FNDC1: variants seen among roughly 807,000 people sequenced by gnomAD.
FNDC1 encodes fibronectin type III domain-containing protein 1.
Under a neutral mutation model 168.0 loss-of-function variants are expected in FNDC1, and 96 were observed. The observed-to-expected ratio is 0.57, with a 90% CI of 0.48 to 0.68. The LOEUF (loss-of-function observed/expected upper bound fraction) is 0.68. FNDC1 is among the 30% of genes least tolerant of loss of function. The pLI, the probability that FNDC1 is intolerant of heterozygous loss-of-function variation, is 0.00. For synonymous variants in FNDC1, 1,099 were observed against 1,025.9 expected (o/e 1.07, Z -1.36); for missense variants, 2,587 against 2,482.1 (o/e 1.04, Z -0.90).
rs1290617785 is a variant in FNDC1, at chr6:159,233,936, G to A, written c.3424G>A (p.Gly1142Ser). The stretch of plus-strand genomic sequence containing the variant: ...CTCCCCCGCCAGGCCCAGCCGACCC[G>A]GCGGCCCCCAGTCCCGCGCCCGGGT... The part of the protein sequence containing the change: ...AASPARPSRP[G>S]GPQSRARVPS... Residue 1142 changes from glycine to serine, a missense_variant, in exon 11 of 23, where the codon GGC becomes AGC. Gly to Ser is a moderately conservative substitution (Grantham distance 56). Coordinates refer to ENST00000297267, the MANE Select transcript of FNDC1 (RefSeq NM_032532.3). The surrounding 1 kb of genome is among the most constrained non-coding windows in gnomAD (Gnocchi z 4.6). 1.3e-6 allele frequency: 2 copies of A among 1,557,968 alleles called. No homozygotes were observed. The highest frequency in any genetic ancestry group is 2.4e-5 in the East Asian group (1 of 42,026).
chr6:159,239,731 C>T lies in FNDC1; in HGVS notation c.4395C>T (p.Thr1465=). 1.3e-6 allele frequency: 2 copies of T among 1,548,230 alleles called. No individual in the cohort carries two copies. The highest frequency in any genetic ancestry group is 1.7e-6 in the Non-Finnish European group (2 of 1,144,886). ...CGACGCCCCTGCCTACCACTACAAC[C>T]CCGAGGCCCACCACTGCCACCACCC... ...TTTTPLPTTT[T]PRPTTATTRR... Residue 1465 remains threonine, a synonymous_variant, in exon 14 of 23, where the codon ACC becomes ACT. Transcript: ENST00000297267.
intron 1 of FNDC1, among the ~76,000 whole-genome samples, chr6:159,184,089 C>G (rs1453159513): frequency 1.3e-5 from 2 of 152,244 alleles, no homozygotes; most frequent in Non-Finnish European, 2.9e-5. Flanking sequence ...AATCACTTAA[C>G]TCTCTGTGAC....
intron 1 of FNDC1, among the ~76,000 whole-genome samples, chr6:159,184,010 A>G (rs777031054): frequency 2.0e-5 from 3 of 152,258 alleles, no homozygotes; most frequent in Non-Finnish European, 4.4e-5. Flanking sequence ...TATAGTAGAA[A>G]GAGCATGGTC....
At chr6:159,265,147 C>G in intron 20 of FNDC1, 143 bp downstream of exon 20, 2 of 658,626 alleles carry the variant, frequency 3.0e-6, no homozygotes, top group Admixed American at 3.1e-5. Context: ...TTGCACTCGT[C>G]ATCCTGATCT....
intron 9 of FNDC1, 68 bp from the exon 10 acceptor site, chr6:159,229,747 C>T (rs927236800): frequency 9.2e-6 from 13 of 1,416,664 alleles, no homozygotes; most frequent in African/African-American, 1.4e-5. Context: ...CCTGCCCATA[C>T]AGTCTGTCTG....
Position 159,169,710 on chromosome 6 carries a change from G to A in FNDC1, c.109+5G>A, listed in dbSNP as rs1233534396. ...CCTCCTCGGCGGCGGCCTCAGGTAC[G>A]CGCCGCGCCCGGGCCCCCGGCGCTC... On this transcript the variant is annotated splice_donor_5th_base_variant and intron_variant, in intron 1 of 22. Coordinates refer to ENST00000297267, the MANE Select transcript of FNDC1 (RefSeq NM_032532.3). The surrounding 1 kb of genome is among the most constrained non-coding windows in gnomAD (Gnocchi z 6.8). 1 of 1,128,078 alleles carries A rather than the reference G, an allele frequency of 8.9e-7. No individual in the cohort carries two copies. The allele number at this position is 1,128,078 out of a possible 1,614,324, so 69.9% of individuals were successfully genotyped here.
At position 159,232,540 on chromosome 6, in the gene FNDC1, C is replaced by T. The variant is rs1239973848; in HGVS notation, c.2028C>T (p.Ser676=). ...CAGCCCTGTCCCCCAGCCGCCAGTC[C>T]CCGTCCAGCGTTCTCCGCGACAGAA... ...PRPALSPSRQ[S]PSSVLRDRSS... Residue 676 remains serine (S), a synonymous_variant, in exon 11 of 23, where the codon TCC becomes TCT. Transcript: ENST00000297267. The surrounding 1 kb of genome is among the most constrained non-coding windows in gnomAD (Gnocchi z 4.9). The T allele has an allele frequency of 1.2e-6, 2 of 1,612,376 alleles. No individual in the cohort carries two copies. The highest frequency in any genetic ancestry group is 1.3e-5 in the African/African-American group (1 of 74,916).
chr6:159,232,207 C>G lies in FNDC1; in HGVS notation c.1695C>G (p.Thr565=), dbSNP rs955188110. The part of the protein sequence containing the change: ...SPSDTQDQKR[T]LRPPSRHGHS... ...CAGACACCCAAGACCAGAAACGGACCCTGAGGCCGCCAAGTAGACACGGCC... is the reference window on the plus strand; with the variant it reads ...CAGACACCCAAGACCAGAAACGGACGCTGAGGCCGCCAAGTAGACACGGCC... Residue 565 remains threonine, a synonymous_variant, in exon 11 of 23, where the codon ACC becomes ACG. Transcript: ENST00000297267. The surrounding 1 kb of genome is among the most constrained non-coding windows in gnomAD (Gnocchi z 4.9). 9 of 1,613,266 alleles carry G rather than the reference C, an allele frequency of 5.6e-6. No homozygotes were observed. Among genetic ancestry groups the G allele is most frequent in the Non-Finnish European group, 7.6e-6 (9 of 1,179,692 alleles).
chr6:159,223,618 A>G lies in FNDC1; in HGVS notation c.857A>G (p.Glu286Gly). 1 of 1,612,584 alleles carries G rather than the reference A, an allele frequency of 6.2e-7. No homozygotes were observed. Among genetic ancestry groups the G allele is most frequent in the South Asian group, 1.1e-5 (1 of 90,882 alleles). Residue 286 changes from glutamate to glycine, a missense_variant, in exon 7 of 23, where the codon GAA (glutamate) becomes GGA (glycine). By Grantham distance (98) the Glu-to-Gly change is moderately conservative. Coordinates refer to ENST00000297267, the MANE Select transcript of FNDC1 (RefSeq NM_032532.3). ...VLVSWVDPVL[E>G]KQKKVVASRQ... is the part of the protein sequence containing the mutation. ...GTGTCCTGGGTGGATCCTGTTCTGG[A>G]AAAACAGAAGAAAGTTGTTGCATCA...
At chr6:159,267,741 A>T (rs1562314843) in intron 21 of FNDC1, 63 bp from the exon 22 acceptor site, 1 of 1,591,178 alleles carries the variant, frequency 6.3e-7, no homozygotes, top group Non-Finnish European at 8.6e-7. Context: ...TGTGCAAAAA[A>T]ACTCCTAAAC....
chr6:159,265,655 C>T (rs1292316559), intron 20 of FNDC1, among the ~76,000 whole-genome samples: 2 of 152,272 alleles, frequency 1.3e-5, no homozygotes, highest in Admixed American at 6.5e-5. Context: ...CAAGGCCGGG[C>T]GCGGTGGCTC....
chr6:159,233,453 C>T lies in FNDC1; in HGVS notation c.2941C>T (p.Pro981Ser). ...STDRHASPAR[P>S]PAARSQQHPS... Reference sequence around the variant, plus strand: ...AGACCGCCACGCGTCCCCTGCTCGTCCGCCCGCAGCACGGTCACAGCAGCA... The same window carrying T: ...AGACCGCCACGCGTCCCCTGCTCGTTCGCCCGCAGCACGGTCACAGCAGCA... Residue 981 changes from proline to serine, a missense_variant, in exon 11 of 23, where the codon CCG (proline) becomes TCG (serine). Coordinates refer to ENST00000297267, the MANE Select transcript of FNDC1 (RefSeq NM_032532.3). The surrounding 1 kb of genome is among the most constrained non-coding windows in gnomAD (Gnocchi z 4.6). 6.2e-7 allele frequency: 1 copy of T among 1,608,968 alleles called. No homozygotes were observed.
intron 13 of FNDC1, among the ~76,000 whole-genome samples, chr6:159,238,939 G>A (rs76252099): frequency 0.066 from 10,117 of 152,224 alleles, 373 homozygotes; most frequent in Middle Eastern, 0.085. Flanking sequence ...ACTACAACCT[G>A]TAGGTTGTAG....
chr6:159,269,511 C>T (rs200384267), intron 22 of FNDC1, among the ~76,000 whole-genome samples: 2,955 of 106,850 alleles, frequency 0.028, 91 homozygotes, highest in Non-Finnish European at 0.039. Context: ...TCCATCCATC[C>T]ATGCATCCAT....
chr6:159,263,227 T>C (rs1401411902), intron 19 of FNDC1, among the ~76,000 whole-genome samples: 2 of 152,110 alleles, frequency 1.3e-5, no homozygotes, highest in Non-Finnish European at 2.9e-5. Context: ...CCATGGTGTT[T>C]CCCTCTATTT....
In FNDC1 at chr6:159,232,934, C is replaced by G; in HGVS notation, c.2422C>G (p.Leu808Val). The G allele has an allele frequency of 6.2e-7, 1 of 1,610,410 alleles. No homozygotes were observed. Among genetic ancestry groups the G allele is most frequent in the Non-Finnish European group, 8.5e-7 (1 of 1,179,370 alleles). Residue 808 changes from leucine (L) to valine (V), a missense_variant, in exon 11 of 23, where the codon CTG (leucine) becomes GTG (valine). Leu to Val is a conservative substitution (Grantham distance 32, BLOSUM62 1). Transcript: ENST00000297267. This position sits in a 1 kb window ranked among gnomAD's most constrained non-coding sequence, Gnocchi z 4.9. ...GCAGGCGGAGGCCACGGCCCAGACG[C>G]TGCGGGCCCGGCCTGCCTCTGGACA... ...GRQAEATAQTLRARPASGHFH... is the reference protein window; with the variant it reads ...GRQAEATAQTVRARPASGHFH...
At chr6:159,180,283 G>T (rs1781853277) in intron 1 of FNDC1, among the ~76,000 whole-genome samples, 2 of 152,112 alleles carry the variant, frequency 1.3e-5, no homozygotes, top group African/African-American at 2.4e-5. Context: ...CTCTTGTAAA[G>T]ACACCGGTCA....
chr6:159,266,117 A>G lies in FNDC1; in HGVS notation c.5318A>G (p.Lys1773Arg), dbSNP rs756878266. Reference protein sequence around the residue: ...GEPIWIPFAFKHDPSYTDCHG... With the variant: ...GEPIWIPFAFRHDPSYTDCHG... ...CCTATCTGGATCCCATTCGCTTTCA[A>G]ACATGATCCCAGCTACACGGACTGC... Residue 1773 changes from lysine to arginine, a missense_variant, in exon 21 of 23, where the codon AAA becomes AGA. Coordinates refer to ENST00000297267, the MANE Select transcript of FNDC1 (RefSeq NM_032532.3). The G allele has an allele frequency of 6.2e-7, 1 of 1,613,918 alleles. No individual in the cohort carries two copies. Among genetic ancestry groups the G allele is most frequent in the South Asian group, 1.1e-5 (1 of 91,080 alleles).
chr6:159,261,411 C>A, intron 19 of FNDC1, 142 bp downstream of exon 19: 1 of 602,312 alleles, frequency 1.7e-6, no homozygotes, highest in Non-Finnish European at 2.8e-6. Flanking sequence ...AAGTAAACAT[C>A]ATTTGCTTTG....
Sources: allele counts gnomAD v4.1 joint callset (sites outside exome capture counted in the v4.1 genomes callset), GRCh38; gene constraint gnomAD v4.1.1; non-coding constraint Gnocchi (gnomAD v3.1); transcripts MANE v1.5; gene names NCBI Gene and HGNC (gene_info 2026-07-23, HGNC 2026-07-21).